CALU: variants seen among roughly 807,000 people sequenced by gnomAD.
CALU encodes the protein IEF SSP 9302.
CALU carries 13 observed loss-of-function variants against 37.5 expected under a neutral mutation model. That is an observed-to-expected ratio of 0.35 (90% CI 0.23 to 0.55). The LOEUF (loss-of-function observed/expected upper bound fraction) is 0.55. CALU is among the 20% of genes least tolerant of loss of function. The pLI, the probability that CALU is intolerant of heterozygous loss-of-function variation, is 0.89. For synonymous variants in CALU, 114 were observed against 133.8 expected, an observed-to-expected ratio of 0.85 and a Z score of 1.02; for missense variants, 282 against 391.7, an observed-to-expected ratio of 0.72 and a Z score of 2.36.
chr7:128,761,970 G>A (rs1425528964), intron 5 of CALU, among the ~76,000 whole-genome samples: 2 of 151,764 alleles, frequency 1.3e-5, no homozygotes, highest in Non-Finnish European at 2.9e-5. Context: ...CTTTTCTTAG[G>A]TTCAGTGGCA....
At chr7:128,756,465 T>C (rs1314531323) in intron 3 of CALU, among the ~76,000 whole-genome samples, 4 of 152,216 alleles carry the variant, frequency 2.6e-5, no homozygotes, top group African/African-American at 4.8e-5. Flanking sequence ...TGGACAGCAC[T>C]GAGGGGGTCA....
At position 128,748,656 on chromosome 7, in the gene CALU, A is replaced by G; in HGVS notation, c.73A>G (p.Lys25Glu). The G allele has an allele frequency of 6.2e-7, 1 of 1,614,244 alleles. No individual in the cohort carries two copies. Among genetic ancestry groups the G allele is most frequent in the Non-Finnish European group, 8.5e-7 (1 of 1,180,040 alleles). The change falls in exon 2 of 7, where the codon AAG becomes GAG. Residue 25 changes from lysine to glutamate, a missense_variant. By Grantham distance (56) the Lys-to-Glu change is moderately conservative. Transcript: ENST00000249364. ...TGCCTTGAGCAAACCCACAGAAAAGAAGGACCGTGTACATCATGAGCCTCA... is the reference window on the plus strand; with the variant it reads ...TGCCTTGAGCAAACCCACAGAAAAGGAGGACCGTGTACATCATGAGCCTCA... ...AFALSKPTEK[K>E]DRVHHEPQLS...
intron 2 of CALU, 71 bp from the exon 3 acceptor site, chr7:128,754,191 C>A: frequency 8.4e-7 from 1 of 1,188,412 alleles, no homozygotes; most frequent in Non-Finnish European, 1.2e-6. Context: ...TAGCCCTGGG[C>A]ACACACCTGG....
intron 1 of CALU, chr7:128,747,579 G>A (rs369198858): frequency 6.6e-6 from 1 of 151,904 alleles, no homozygotes; most frequent in East Asian, 1.9e-4. Context: ...CCACTGAGCT[G>A]CCTTCCCAGT....
intron 5 of CALU, among the ~76,000 whole-genome samples, chr7:128,766,887 GA>G (rs1269685606): frequency 1.3e-5 from 2 of 152,154 alleles, no homozygotes; most frequent in Admixed American, 6.5e-5. Flanking sequence ...GGGGAGATGG[GA>G]AAAAAGCCTT....
chr7:128,750,393 T>C (rs1211583333), intron 2 of CALU, among the ~76,000 whole-genome samples: 1 of 152,160 alleles, frequency 6.6e-6, no homozygotes, highest in Non-Finnish European at 1.5e-5. Context: ...TTAGGGTAGA[T>C]GGTACTATAA....
chr7:128,739,919 C>G (rs1277610989), intron 1 of CALU, among the ~76,000 whole-genome samples: 1 of 152,134 alleles, frequency 6.6e-6, no homozygotes, highest in Non-Finnish European at 1.5e-5. Flanking sequence ...GTCGTGTTCA[C>G]TCACCTAAAG....
At chr7:128,767,713 C>G (rs1801390836) in intron 6 of CALU, 58 bp downstream of exon 6, 15 of 1,379,260 alleles carry the variant, frequency 1.1e-5, no homozygotes, top group Non-Finnish European at 1.4e-5. Context: ...TCTAGGGGAT[C>G]ACCTGAACAG....
chr7:128,747,066 C>T lies in CALU; in HGVS notation c.-11-1507C>T, dbSNP rs563753347. Among the ~76,000 whole-genome samples, 4 of 152,246 alleles carry T rather than the reference C, an allele frequency of 2.6e-5. No individual in the cohort carries two copies. In the South Asian group the frequency reaches 8.3e-4, roughly 32 times the overall value. ...TACAAGCATGAGCCACTGCGCCCGG[C>T]CCATTCTTTTTAACCTTTGTGTATT... On this transcript the variant is annotated intron_variant, in intron 1 of 6. Transcript: ENST00000249364.
intron 3 of CALU, among the ~76,000 whole-genome samples, chr7:128,755,562 A>G (rs1007242334): frequency 1.3e-5 from 2 of 152,186 alleles, no homozygotes; most frequent in East Asian, 3.8e-4. Flanking sequence ...TCTCTGGCAC[A>G]TGAGTTTATC....
intron 5 of CALU, among the ~76,000 whole-genome samples, chr7:128,763,257 AT>A (rs1801194562): frequency 6.6e-6 from 1 of 152,114 alleles, no homozygotes; most frequent in Non-Finnish European, 1.5e-5. Flanking sequence ...TCGGCCGAGC[AT>A]GGTGGCTCAT....
chr7:128,757,507 T>C (rs1800935040), intron 3 of CALU, among the ~76,000 whole-genome samples: 1 of 152,154 alleles, frequency 6.6e-6, no homozygotes, highest in Non-Finnish European at 1.5e-5. Context: ...TAGTTTTGTT[T>C]TTGTTTCTTT....
rs768035019 is a variant in CALU at position 128,748,850 on chromosome 7, T to C, written c.221+46T>C. Reference sequence around the variant, plus strand: ...GGTCTAGTGTGGGTAATGACATTCTTTATAAAGGCTAATTCTTTTCTTTTC... The same window carrying C: ...GGTCTAGTGTGGGTAATGACATTCTCTATAAAGGCTAATTCTTTTCTTTTC... On this transcript the variant is annotated intron_variant, in intron 2 of 6. Coordinates refer to ENST00000249364, the MANE Select transcript of CALU (RefSeq NM_001219.5). 3 of 1,275,448 alleles carry C rather than the reference T, an allele frequency of 2.4e-6. No individual in the cohort carries two copies. The East Asian group carries it at 7.0e-5, about 30-fold the overall frequency. 79.0% of individuals were successfully genotyped at this position (1,275,448 alleles called of 1,614,324 possible). A position where few individuals can be genotyped will look rare whatever the true frequency, so the allele number is the denominator to read the frequency against.
chr7:128,760,328 C>T (rs570151466), intron 5 of CALU, among the ~76,000 whole-genome samples: 31 of 152,192 alleles, frequency 2.0e-4, no homozygotes, highest in South Asian at 6.2e-4. Flanking sequence ...ATAAAGTATC[C>T]GTAGCCACAT....
chr7:128,745,246 A>G (rs1215689274), intron 1 of CALU, among the ~76,000 whole-genome samples: 1 of 152,208 alleles, frequency 6.6e-6, no homozygotes, highest in Non-Finnish European at 1.5e-5. Flanking sequence ...GTCACTATAC[A>G]TATTGTTGGG....
chr7:128,757,358 AGTGTGTGTGTGT>A (rs10638444), intron 3 of CALU, among the ~76,000 whole-genome samples: 3 of 146,180 alleles, frequency 2.1e-5, no homozygotes, highest in South Asian at 2.2e-4. Context: ...TATGGCTTTG[AGTGTGTGTGTGT>A]GTGTGTGTGT....
intron 1 of CALU, among the ~76,000 whole-genome samples, chr7:128,739,808 T>C (rs1269398197): frequency 1.3e-5 from 2 of 151,892 alleles, no homozygotes; most frequent in African/African-American, 2.4e-5. Context: ...ATTTGGATAG[T>C]GTTATTGTAA....
chr7:128,769,153 C>T lies in CALU; in HGVS notation c.934C>T (p.His312Tyr). The change falls in exon 7 of 7, where the codon CAT (histidine) becomes TAT (tyrosine). Residue 312 changes from histidine (H) to tyrosine (Y), a missense_variant. By Grantham distance (83) the His-to-Tyr change is moderately conservative. Coordinates refer to ENST00000249364, the MANE Select transcript of CALU (RefSeq NM_001219.5). ...AGATTTTGGGGAGGCCTTAGTACGG[C>T]ATGATGAGTTCTGAGCTACGGAGGA... ...ATDFGEALVR[H>Y]DEF is the part of the protein sequence containing the mutation. 1 of 1,587,500 alleles carries T rather than the reference C, an allele frequency of 6.3e-7. No homozygotes were observed. The highest frequency in any genetic ancestry group is 8.7e-7 in the Non-Finnish European group (1 of 1,155,896).
intron 2 of CALU, among the ~76,000 whole-genome samples, chr7:128,750,941 A>G (rs1052560175): frequency 1.4e-4 from 22 of 152,354 alleles, no homozygotes; most frequent in Admixed American, 3.3e-4. Context: ...CAAATAGGCG[A>G]TTTTATGTAT....
Sources: gnomAD v4.1 joint callset for allele counts (sites outside exome capture counted in the v4.1 genomes callset) on GRCh38, gnomAD v4.1.1 for gene constraint, MANE v1.5 for transcripts, NCBI Gene and HGNC (gene_info 2026-07-23, HGNC 2026-07-21) for gene names.